Variants in AGBL4 observed in about 807,000 individuals in gnomAD.
AGBL4 encodes cytosolic carboxypeptidase 6.
A neutral mutation model predicts 66.4 loss-of-function variants in AGBL4; 58 were observed. The ratio of observed to expected loss-of-function variants is 0.87; its 90% CI spans 0.71 to 1.09. AGBL4 has a LOEUF of 1.09. AGBL4 is among the 50% of genes least tolerant of loss of function. AGBL4 has a pLI of 0.00. For synonymous variants in AGBL4, 234 were observed against 222.9 expected (o/e 1.05, Z -0.44); for missense variants, 579 against 631.0 (o/e 0.92, Z 0.88).
intron 1 of AGBL4, among the ~76,000 whole-genome samples, chr1:49,910,285 A>G (rs986282356): frequency 6.6e-6 from 1 of 152,210 alleles, no homozygotes; most frequent in South Asian, 2.1e-4. Flanking sequence ...AAGGTAGAGG[A>G]CATAATCAAC....
chr1:49,085,801 C>T (rs1372527831), intron 4 of AGBL4, among the ~76,000 whole-genome samples: 1 of 152,066 alleles, frequency 6.6e-6, no homozygotes, highest in Non-Finnish European at 1.5e-5. Flanking sequence ...ATGGGAGACC[C>T]TCTCTAGCTC....
At chr1:49,529,310 A>G (rs536564878) in intron 3 of AGBL4, among the ~76,000 whole-genome samples, 4 of 152,242 alleles carry the variant, frequency 2.6e-5, no homozygotes, top group South Asian at 2.1e-4. Flanking sequence ...AGACTATTTT[A>G]TTTCCATCTT....
intron 2 of AGBL4, chr1:49,845,271 C>T: frequency 6.4e-7 from 1 of 1,559,286 alleles, no homozygotes; most frequent in Non-Finnish European, 8.8e-7. Context: ...AGGGGACCTT[C>T]AACCAAATTG....
At chr1:49,391,886 TG>T (rs1389851159) in intron 3 of AGBL4, among the ~76,000 whole-genome samples, 2 of 151,994 alleles carry the variant, frequency 1.3e-5, no homozygotes, top group African/African-American at 2.4e-5. Flanking sequence ...GGGTGGATAC[TG>T]GTACCATTAA....
rs1227497940 is a variant in AGBL4, at chr1:49,578,790, C to G, written c.282+118523G>C. On this transcript the variant is annotated intron_variant, in intron 3 of 13. Coordinates refer to ENST00000371839, the MANE Select transcript of AGBL4 (RefSeq NM_032785.4). ...TCTTTATTTGAAGATTATGTATGCT[C>G]TCAGTAGAGCGTATGGGTTGAAGTT... Among the ~76,000 whole-genome samples, 5 of 152,224 alleles carry G rather than the reference C, an allele frequency of 3.3e-5. No individual in the cohort carries two copies. The South Asian group carries it at 6.2e-4, about 19-fold the overall frequency.
intron 8 of AGBL4, chr1:48,647,613 A>G (rs572735891): frequency 6.6e-6 from 3 of 454,050 alleles, no homozygotes; most frequent in African/African-American, 6.0e-5. Context: ...CACCTAATTA[A>G]GAAATGCAAA....
chr1:49,261,280 T>A (rs1653134115), intron 3 of AGBL4, among the ~76,000 whole-genome samples: 1 of 151,892 alleles, frequency 6.6e-6, no homozygotes, highest in African/African-American at 2.4e-5. Context: ...ACCACTCCTA[T>A]TCAACATAGT....
chr1:49,009,256 G>A (rs1334647269), intron 5 of AGBL4, among the ~76,000 whole-genome samples: 47 of 151,768 alleles, frequency 3.1e-4, no homozygotes, highest in Middle Eastern at 6.8e-3. Context: ...ACACCTCTAC[G>A]CAAATAAACT....
chr1:49,524,805 T>C (rs1035238644), intron 3 of AGBL4, among the ~76,000 whole-genome samples: 17 of 152,042 alleles, frequency 1.1e-4, no homozygotes, highest in African/African-American at 4.1e-4. Context: ...CCTATGATAC[T>C]ACCTTATAAC....
intron 6 of AGBL4, among the ~76,000 whole-genome samples, chr1:48,832,545 C>T (rs975615486): frequency 2.0e-5 from 3 of 152,108 alleles, no homozygotes; most frequent in African/African-American, 7.2e-5. Flanking sequence ...AGCTCAGAGC[C>T]TGGCACAAAG....
At chr1:49,445,905 G>T (rs553317037) in intron 3 of AGBL4, among the ~76,000 whole-genome samples, 1 of 152,176 alleles carries the variant, frequency 6.6e-6, no homozygotes, top group East Asian at 1.9e-4. Flanking sequence ...AGGCTAAAGT[G>T]CAGTGGTGCA....
At chr1:49,311,079 T>A (rs1280420873) in intron 3 of AGBL4, among the ~76,000 whole-genome samples, 2 of 152,062 alleles carry the variant, frequency 1.3e-5, no homozygotes, top group Non-Finnish European at 2.9e-5. Context: ...GTTGAGAGAA[T>A]AACAAAAATT....
chr1:49,183,187 T>C (rs923393380), intron 4 of AGBL4, among the ~76,000 whole-genome samples: 9 of 152,196 alleles, frequency 5.9e-5, no homozygotes, highest in African/African-American at 1.4e-4. Flanking sequence ...CAAAGAAATG[T>C]AGACATTCCC....
At chr1:49,320,544 G>A (rs1046427979) in intron 3 of AGBL4, among the ~76,000 whole-genome samples, 2 of 152,134 alleles carry the variant, frequency 1.3e-5, no homozygotes, top group Non-Finnish European at 2.9e-5. Context: ...ATGAAAATGC[G>A]AGATCTCCTC....
chr1:49,751,117 A>G (rs1651423004), intron 2 of AGBL4, among the ~76,000 whole-genome samples: 1 of 152,188 alleles, frequency 6.6e-6, no homozygotes, highest in Admixed American at 6.5e-5. Context: ...AGAAATTCCA[A>G]TACTATGTCG....
intron 4 of AGBL4, among the ~76,000 whole-genome samples, chr1:49,148,876 T>C (rs1048969363): frequency 5.9e-5 from 9 of 152,214 alleles, no homozygotes; most frequent in Non-Finnish European, 1.3e-4. Flanking sequence ...ATAAGATAGA[T>C]GCCTGGGTAA....
intron 4 of AGBL4, among the ~76,000 whole-genome samples, chr1:49,059,127 C>A (rs528190651): frequency 1.3e-5 from 2 of 152,284 alleles, no homozygotes; most frequent in East Asian, 3.9e-4. Flanking sequence ...ATATCAGAGA[C>A]CTTCACAGCA....
chr1:49,627,611 G>A (rs938788130), intron 3 of AGBL4, among the ~76,000 whole-genome samples: 1 of 152,134 alleles, frequency 6.6e-6, no homozygotes, highest in African/African-American at 2.4e-5. Flanking sequence ...ATAGTCCCTG[G>A]CTGATAGGAT....
At chr1:49,816,660 A>G (rs1324883866) in intron 2 of AGBL4, among the ~76,000 whole-genome samples, 2 of 152,196 alleles carry the variant, frequency 1.3e-5, no homozygotes, top group Non-Finnish European at 2.9e-5. Context: ...AGAAGGTATC[A>G]AGAAAGAACT....
Sources: allele counts gnomAD v4.1 joint callset (sites outside exome capture counted in the v4.1 genomes callset), GRCh38; gene constraint gnomAD v4.1.1; transcripts MANE v1.5; gene names NCBI Gene and HGNC (gene_info 2026-07-23, HGNC 2026-07-21).